The following GALNTL6 variants were observed in gnomAD, a reference collection of about 807,000 sequenced individuals.
GALNTL6 encodes polypeptide N-acetylgalactosaminyltransferase like 6, also known as polypeptide N-acetylgalactosaminyltransferase-like 6.
In GALNTL6, 46 loss-of-function variants were observed where a neutral mutation model predicts 73.7. That is an observed-to-expected ratio of 0.62 (90% CI 0.49 to 0.80). GALNTL6 has a LOEUF of 0.80. GALNTL6 is among the 30% of genes least tolerant of loss of function. The pLI is 0.00. For synonymous variants in GALNTL6, 259 were observed against 263.7 expected (o/e 0.98, Z 0.17); for missense variants, 604 against 755.0 (o/e 0.80, Z 2.34).
intron 5 of GALNTL6, among the ~76,000 whole-genome samples, chr4:172,582,743 CACAG>C (rs1370468581): frequency 8.0e-6 from 1 of 124,956 alleles, no homozygotes; most frequent in Non-Finnish European, 1.7e-5. Flanking sequence ...ATCACACACA[CACAG>C]ACACACACAC....
In GALNTL6 at chr4:172,216,485, T is replaced by C. The variant is rs748217386; in HGVS notation, c.139-13171T>C. Among the ~76,000 whole-genome samples the C allele has an allele frequency of 3.9e-5, 6 of 152,188 alleles. No individual in the cohort carries two copies. In the South Asian group the frequency reaches 6.2e-4, roughly 16 times the overall value. On this transcript the variant is annotated intron_variant, in intron 2 of 12. Transcript: ENST00000506823. The stretch of plus-strand genomic sequence containing the variant: ...CACCCACTCTGACTTCTTTCGAGAT[T>C]TTCTCCTTGTCTTCTGTTTTCTGCA...
chr4:172,394,618 G>T (rs927218906), intron 5 of GALNTL6, among the ~76,000 whole-genome samples: 2 of 151,966 alleles, frequency 1.3e-5, no homozygotes, highest in Admixed American at 1.3e-4. Context: ...TTTTAGTAGA[G>T]ATGGGGTTTC....
chr4:172,563,653 A>G (rs1373612616), intron 5 of GALNTL6, among the ~76,000 whole-genome samples: 2 of 152,182 alleles, frequency 1.3e-5, no homozygotes, highest in Non-Finnish European at 2.9e-5. Flanking sequence ...TTTTAATCTC[A>G]AGGCAGCTTT....
At chr4:171,824,698 A>G (rs774702224) in intron 2 of GALNTL6, among the ~76,000 whole-genome samples, 7 of 152,300 alleles carry the variant, frequency 4.6e-5, no homozygotes, top group South Asian at 4.1e-4. Context: ...ACCATCATGA[A>G]TATGTTTCCC....
chr4:172,464,578 A>C (rs574560446), intron 5 of GALNTL6, among the ~76,000 whole-genome samples: 159 of 152,100 alleles, frequency 1.0e-3, no homozygotes, highest in African/African-American at 3.7e-3. Context: ...GTGGTGGCGC[A>C]TGCCTGTAGT....
intron 5 of GALNTL6, among the ~76,000 whole-genome samples, chr4:172,796,154 T>C (rs1247594549): frequency 2.0e-5 from 3 of 151,882 alleles, no homozygotes; most frequent in African/African-American, 4.8e-5. Context: ...AATTATATAA[T>C]ATTTTATAAG....
At chr4:172,124,336 GA>G (rs1733235546) in intron 2 of GALNTL6, among the ~76,000 whole-genome samples, 2 of 152,160 alleles carry the variant, frequency 1.3e-5, no homozygotes, top group South Asian at 4.1e-4. Flanking sequence ...TCCATTTTTT[GA>G]GGCTCTCTCA....
At chr4:172,334,511 AG>A (rs1258559263) in intron 4 of GALNTL6, among the ~76,000 whole-genome samples, 1 of 152,138 alleles carries the variant, frequency 6.6e-6, no homozygotes, top group African/African-American at 2.4e-5. Context: ...TATTGTAAAT[AG>A]GATTGCCTTC....
At chr4:172,276,073 A>C (rs1455415111) in intron 3 of GALNTL6, among the ~76,000 whole-genome samples, 5 of 152,216 alleles carry the variant, frequency 3.3e-5, no homozygotes, top group African/African-American at 4.8e-5. Context: ...TTCACATCAC[A>C]CTATGGAGCC....
At chr4:172,019,903 A>G (rs142156492) in intron 2 of GALNTL6, among the ~76,000 whole-genome samples, 2,060 of 152,274 alleles carry the variant, frequency 0.014, 31 homozygotes, top group Middle Eastern at 0.024. Context: ...ATTCTCAGTG[A>G]TAAATCATAT....
At chr4:171,975,641 A>G (rs1739699148) in intron 2 of GALNTL6, among the ~76,000 whole-genome samples, 1 of 152,190 alleles carries the variant, frequency 6.6e-6, no homozygotes, top group Admixed American at 6.5e-5. Context: ...GGCAAGGGCT[A>G]GACCTAAAGA....
At chr4:172,292,292 A>G (rs1346406214) in intron 3 of GALNTL6, among the ~76,000 whole-genome samples, 1 of 152,112 alleles carries the variant, frequency 6.6e-6, no homozygotes, top group Admixed American at 6.6e-5. Context: ...AAACTTCCTG[A>G]CATCTGCAAA....
At chr4:173,030,793 A>G (rs1459991029) in intron 12 of GALNTL6, among the ~76,000 whole-genome samples, 1 of 150,252 alleles carries the variant, frequency 6.7e-6, no homozygotes, top group African/African-American at 2.5e-5. Flanking sequence ...AGAGCCCAGG[A>G]GCTCAAGATC....
chr4:172,411,565 A>G (rs1744436841), intron 5 of GALNTL6, among the ~76,000 whole-genome samples: 1 of 152,050 alleles, frequency 6.6e-6, no homozygotes, highest in Non-Finnish European at 1.5e-5. Context: ...GTTTGAAAGC[A>G]ATGCTGATGG....
At chr4:172,799,443 G>A (rs150165809) in intron 5 of GALNTL6, among the ~76,000 whole-genome samples, 17 of 152,304 alleles carry the variant, frequency 1.1e-4, no homozygotes, top group Admixed American at 3.9e-4. Context: ...TATATTGAAA[G>A]CATTTGTCAT....
chr4:172,380,068 G>A lies in GALNTL6; in HGVS notation c.553+31379G>A, dbSNP rs2087217726. The A allele has an allele frequency of 4.1e-6, 4 of 964,614 alleles. No individual in the cohort carries two copies. In the Admixed American group the frequency reaches 5.2e-5, roughly 12 times the overall value. 59.8% of individuals were successfully genotyped at this position (964,614 alleles called of 1,614,324 possible). A position where few individuals can be genotyped will look rare whatever the true frequency, so the allele number is the denominator to read the frequency against. On this transcript the variant is annotated intron_variant, in intron 5 of 12. Transcript: ENST00000506823. ...GGCATATAGCCTAGTCCCTGCTCTAGCTGTTTATATGGCTTGGGCTTCGTT... is the reference window on the plus strand; with the variant it reads ...GGCATATAGCCTAGTCCCTGCTCTAACTGTTTATATGGCTTGGGCTTCGTT...
chr4:172,184,864 G>A (rs757738457), intron 2 of GALNTL6, among the ~76,000 whole-genome samples: 1 of 152,128 alleles, frequency 6.6e-6, no homozygotes, highest in African/African-American at 2.4e-5. Flanking sequence ...AAAGGGAGCC[G>A]AACTGCCCCT....
intron 2 of GALNTL6, among the ~76,000 whole-genome samples, chr4:171,978,779 T>A (rs1217862320): frequency 6.6e-6 from 1 of 152,012 alleles, no homozygotes; most frequent in Non-Finnish European, 1.5e-5. Flanking sequence ...GATGTAAAAC[T>A]AAAAGCATTT....
intron 5 of GALNTL6, among the ~76,000 whole-genome samples, chr4:172,589,961 G>A (rs1284727680): frequency 6.6e-6 from 1 of 152,122 alleles, no homozygotes; most frequent in East Asian, 1.9e-4. Flanking sequence ...ACAGTTAATA[G>A]AGCAATCAAA....
Sources: gnomAD v4.1 joint callset for allele counts (sites outside exome capture counted in the v4.1 genomes callset) on GRCh38, gnomAD v4.1.1 for gene constraint, MANE v1.5 for transcripts, NCBI Gene and HGNC (gene_info 2026-07-23, HGNC 2026-07-21) for gene names.